API5: variants seen among roughly 807,000 people sequenced by gnomAD.
API5 encodes the protein apoptosis inhibitor 5, also known as FIF.
In API5, 6 loss-of-function variants were observed where a neutral mutation model predicts 71.9. That is an observed-to-expected ratio of 0.08 (90% CI 0.05 to 0.16). API5 has a LOEUF of 0.16. Among genes scored for constraint, API5 ranks in the 10% least tolerant of loss-of-function variants. The pLI, the probability that API5 is intolerant of heterozygous loss-of-function variation, is 1.00. For synonymous variants in API5, 189 were observed against 221.3 expected, an observed-to-expected ratio of 0.85 and a Z score of 1.30; for missense variants, 332 against 612.8, an observed-to-expected ratio of 0.54 and a Z score of 4.84.
At chr11:43,319,791 T>A (rs1247543467) in intron 2 of API5, among the ~76,000 whole-genome samples, 1 of 152,196 alleles carries the variant, frequency 6.6e-6, no homozygotes, top group Non-Finnish European at 1.5e-5. Flanking sequence ...TAGCCACAAA[T>A]GTTGTATTTA....
rs1384148986 is a variant in API5 at position 43,312,091 on chromosome 11, A to G, written c.-37A>G. 3.1e-6 allele frequency: 5 copies of G among 1,611,654 alleles called. No individual in the cohort carries two copies. The highest frequency in any genetic ancestry group is 1.9e-4 in the Middle Eastern group (1 of 5,216). On this transcript the variant is annotated 5_prime_UTR_variant, in exon 1 of 14. Transcript: ENST00000531273. ...GGCGGCGGTGGCGCCGGTCAGGACAAGGATAGCGGAACCGGGCCCTGGGCT... is the reference window on the plus strand; with the variant it reads ...GGCGGCGGTGGCGCCGGTCAGGACAGGGATAGCGGAACCGGGCCCTGGGCT...
chr11:43,339,485 A>G (rs1273628844), intron 13 of API5: 2 of 152,224 alleles, frequency 1.3e-5, no homozygotes, highest in Non-Finnish European at 2.9e-5. Context: ...AACTTCGATC[A>G]GTTTTCTTCA....
intron 13 of API5, among the ~76,000 whole-genome samples, chr11:43,341,288 T>C (rs1855604025): frequency 6.6e-6 from 1 of 152,202 alleles, no homozygotes; most frequent in Non-Finnish European, 1.5e-5. Flanking sequence ...GGCACCCCCA[T>C]GTTTATTGTA....
In API5 at chr11:43,342,552, T is replaced by C; in HGVS notation, c.*42T>C. On this transcript the variant is annotated 3_prime_UTR_variant, in exon 14 of 14. Transcript: ENST00000531273. ...CTTCAGCATTGTCATGAGCTTAATA[T>C]ACTTAAATTCTACTACTCATTGGAT... 1 of 1,593,522 alleles carries C rather than the reference T, an allele frequency of 6.3e-7. No homozygotes were observed. The highest frequency in any genetic ancestry group is 1.3e-5 in the African/African-American group (1 of 74,640).
chr11:43,326,953 T>G (rs1260577841), intron 7 of API5, among the ~76,000 whole-genome samples: 1 of 152,242 alleles, frequency 6.6e-6, no homozygotes, highest in Non-Finnish European at 1.5e-5. Context: ...TATTCCTTCT[T>G]CAATAGAATT....
intron 11 of API5, among the ~76,000 whole-genome samples, chr11:43,334,943 A>G (rs574507199): frequency 4.6e-5 from 7 of 152,340 alleles, no homozygotes; most frequent in African/African-American, 1.7e-4. Context: ...TTAAAGCACC[A>G]TGGTGACTGC....
chr11:43,342,318 G>T, intron 13 of API5, 110 bp from the exon 14 acceptor site: 1 of 874,050 alleles, frequency 1.1e-6, no homozygotes, highest in South Asian at 1.8e-5. Flanking sequence ...TATTAGTTCT[G>T]TTCTTATAGG....
rs989127851 is a variant in API5 at position 43,312,431 on chromosome 11, T to A, written c.69+235T>A. On this transcript the variant is annotated intron_variant, in intron 1 of 13. Transcript: ENST00000531273. The stretch of plus-strand genomic sequence containing the variant: ...TTCCTTGCCTCCCTTGCCCAGCCTT[T>A]TCTCACCGTGGCGTAACCTAACTCA... Among the ~76,000 whole-genome samples, 19 of 152,146 alleles carry A rather than the reference T, an allele frequency of 1.2e-4. 4 individuals carry two copies. Among genetic ancestry groups the A allele is most frequent in the Admixed American group, 1.2e-3 (18 of 15,280 alleles).
At chr11:43,341,579 C>G (rs1424010130) in intron 13 of API5, among the ~76,000 whole-genome samples, 1 of 151,886 alleles carries the variant, frequency 6.6e-6, no homozygotes, top group Non-Finnish European at 1.5e-5. Context: ...ATACTAGAGG[C>G]TGAGAAGATA....
chr11:43,335,759 T>C lies in API5; in HGVS notation c.1356-99T>C, dbSNP rs560277060. On this transcript the variant is annotated intron_variant, in intron 12 of 13. Coordinates refer to ENST00000531273, the MANE Select transcript of API5 (RefSeq NM_001142930.2). ...TTTTTTCTGATGAGATTATCCTCTT[T>C]AGGATGTCTTTCCTAACTGATATGC... 62 of 1,305,852 alleles carry C rather than the reference T, an allele frequency of 4.7e-5. No homozygotes were observed. In the South Asian group the frequency reaches 5.4e-4, roughly 11 times the overall value. The allele number at this position is 1,305,852 out of a possible 1,614,324, so 80.9% of individuals were successfully genotyped here. A position where few individuals can be genotyped will look rare whatever the true frequency, so the allele number is the denominator to read the frequency against.
chr11:43,343,184 A>C lies in API5; in HGVS notation c.*674A>C, dbSNP rs1203857994. The C allele has an allele frequency of 6.5e-6, 1 of 153,566 alleles. No individual in the cohort carries two copies. Among genetic ancestry groups the C allele is most frequent in the African/African-American group, 2.4e-5 (1 of 41,408 alleles). The allele number at this position is 153,566 out of a possible 1,614,324, so 9.5% of individuals were successfully genotyped here. A position where few individuals can be genotyped will look rare whatever the true frequency, so the allele number is the denominator to read the frequency against. Reference sequence around the variant, plus strand: ...GTGTATGTATAATATACATACATACATAAGCATATATGTGTGTGTGTGTGT... The same window carrying C: ...GTGTATGTATAATATACATACATACCTAAGCATATATGTGTGTGTGTGTGT... On this transcript the variant is annotated 3_prime_UTR_variant, in exon 14 of 14. Coordinates refer to ENST00000531273, the MANE Select transcript of API5 (RefSeq NM_001142930.2).
chr11:43,322,435 T>C (rs1854926225), intron 5 of API5, among the ~76,000 whole-genome samples: 2 of 152,162 alleles, frequency 1.3e-5, no homozygotes, highest in African/African-American at 4.8e-5. Context: ...TTTCCCTAAG[T>C]CCTACCCCTC....
intron 13 of API5, among the ~76,000 whole-genome samples, chr11:43,337,121 C>T (rs1855462671): frequency 6.6e-6 from 1 of 151,382 alleles, no homozygotes; most frequent in Non-Finnish European, 1.5e-5. Context: ...CCCAAGAGTT[C>T]GAGGCCAGCC....
intron 11 of API5, 119 bp from the exon 12 acceptor site, chr11:43,335,159 G>T: frequency 1.4e-6 from 1 of 715,296 alleles, no homozygotes; most frequent in Non-Finnish European, 2.5e-6. Context: ...ATTTTCTGTT[G>T]CAGTAAGCTC....
chr11:43,312,486 AC>A (rs1176702991), intron 1 of API5, among the ~76,000 whole-genome samples: 2 of 892 alleles, frequency 2.2e-3, no homozygotes, highest in Non-Finnish European at 4.9e-3. Context: ...AATTCTTCTC[AC>A]GGAGCTTTTC....
At chr11:43,320,731 TAAAA>T (rs774106510) in intron 2 of API5, 86 bp from the exon 3 acceptor site, 8 of 994,932 alleles carry the variant, frequency 8.0e-6, no homozygotes, top group South Asian at 1.5e-5. Flanking sequence ...ACCTTGTCTT[TAAAA>T]AAAAAAAAAA....
intron 3 of API5, 22 bp from the exon 4 acceptor site, chr11:43,321,389 A>G (rs768539957): frequency 1.2e-5 from 19 of 1,583,444 alleles, no homozygotes; most frequent in African/African-American, 2.7e-5. Flanking sequence ...TATATTCATT[A>G]TGCCACTTTT....
Position 43,344,395 on chromosome 11 carries a change from G to T in API5, c.*1885G>T, listed in dbSNP as rs1038148261. 5 of 152,638 alleles carry T rather than the reference G, an allele frequency of 3.3e-5. No individual in the cohort carries two copies. Among genetic ancestry groups the T allele is most frequent in the African/African-American group, 1.2e-4 (5 of 41,540 alleles). 9.5% of individuals were successfully genotyped at this position (152,638 alleles called of 1,614,324 possible). On this transcript the variant is annotated 3_prime_UTR_variant, in exon 14 of 14. Coordinates refer to ENST00000531273, the MANE Select transcript of API5 (RefSeq NM_001142930.2). The stretch of plus-strand genomic sequence containing the variant: ...CCTAAGGCAATAGTGCACAACTTAG[G>T]TTATTTTTGCTTCCGAATTTGAATG...
intron 11 of API5, among the ~76,000 whole-genome samples, chr11:43,333,702 A>G (rs1477824767): frequency 6.6e-6 from 1 of 152,216 alleles, no homozygotes; most frequent in African/African-American, 2.4e-5. Flanking sequence ...TTTATTGTAA[A>G]GAGGTAACAG....
Sources: allele counts gnomAD v4.1 joint callset (sites outside exome capture counted in the v4.1 genomes callset), GRCh38; gene constraint gnomAD v4.1.1; transcripts MANE v1.5; gene names NCBI Gene and HGNC (gene_info 2026-07-23, HGNC 2026-07-21).